The following ULK4 variants were observed in gnomAD, a reference collection of about 807,000 sequenced individuals.
ULK4 encodes the protein inactive serine/threonine-protein kinase ULK4.
In ULK4, 133 loss-of-function variants were observed where a neutral mutation model predicts 160.6. The ratio of observed to expected loss-of-function variants is 0.83; its 90% CI spans 0.72 to 0.96. The LOEUF (loss-of-function observed/expected upper bound fraction) is 0.96. Ranked by LOEUF, ULK4 falls within the 40% of genes least tolerant of loss-of-function variation. The probability of loss-of-function intolerance (pLI) is 0.00; values close to 1 mark genes in which losing one functional copy is unlikely to be tolerated. For synonymous variants in ULK4, 534 were observed against 539.8 expected (o/e 0.99, Z 0.15); for missense variants, 1,580 against 1,499.5 (o/e 1.05, Z -0.89).
chr3:41,804,499 T>C (rs1305869129), intron 19 of ULK4, among the ~76,000 whole-genome samples: 4 of 151,002 alleles, frequency 2.6e-5, no homozygotes, highest in Non-Finnish European at 5.9e-5. Context: ...AGATCCCATT[T>C]GTCAATTTTG....
At chr3:41,414,192 A>G (rs1336903727) in intron 34 of ULK4, among the ~76,000 whole-genome samples, 1 of 152,176 alleles carries the variant, frequency 6.6e-6, no homozygotes, top group East Asian at 1.9e-4. Flanking sequence ...CAAGAGCGAA[A>G]TTCCATCTCA....
chr3:41,267,391 ATTTTCT>A (rs2079060685), intron 35 of ULK4, among the ~76,000 whole-genome samples: 1 of 151,802 alleles, frequency 6.6e-6, no homozygotes, highest in African/African-American at 2.4e-5. Context: ...TATGTACCAC[ATTTTCT>A]TTATCCGGTC....
At position 41,408,427 on chromosome 3, in the gene ULK4, CAAAAAAAAA is replaced by C. The variant is rs59444673; in HGVS notation, c.3493-10172_3493-10164del. Among the ~76,000 whole-genome samples the C allele has an allele frequency of 9.8e-3, 431 of 44,120 alleles. 3 individuals carry two copies. Among genetic ancestry groups the C allele is most frequent in the African/African-American group, 0.028 (415 of 14,678 alleles). The allele number at this position is 44,120 out of a possible 152,430, so 28.9% of individuals were successfully genotyped here. ...TGGGTGACAAAGTGAGACTCCATCT[CAAAAAAAAA>C]AAAAAAAAAAAAAAAAATTAAAGAG... On this transcript the variant is annotated intron_variant, in intron 34 of 36. Coordinates refer to ENST00000301831, the MANE Select transcript of ULK4 (RefSeq NM_017886.4).
chr3:41,738,716 C>G (rs1427314695), intron 22 of ULK4, among the ~76,000 whole-genome samples: 2 of 151,934 alleles, frequency 1.3e-5, no homozygotes, highest in Non-Finnish European at 2.9e-5. Context: ...ATTGCACCTT[C>G]TGTTGACTGT....
At chr3:41,399,304 A>G (rs1320275050) in intron 34 of ULK4, among the ~76,000 whole-genome samples, 1 of 152,166 alleles carries the variant, frequency 6.6e-6, no homozygotes, top group East Asian at 1.9e-4. Context: ...GTATCTTTGG[A>G]AAAATGTCTG....
intron 16 of ULK4, among the ~76,000 whole-genome samples, chr3:41,886,454 G>A (rs1399389721): frequency 6.6e-6 from 1 of 152,078 alleles, no homozygotes; most frequent in East Asian, 1.9e-4. Flanking sequence ...GGCTGTACAA[G>A]GCAAACAAAA....
chr3:41,582,295 G>A (rs893042361), intron 31 of ULK4, among the ~76,000 whole-genome samples: 13 of 152,126 alleles, frequency 8.5e-5, no homozygotes, highest in African/African-American at 3.1e-4. Context: ...GGAACTGTGA[G>A]TCCATTAAAC....
intron 35 of ULK4, among the ~76,000 whole-genome samples, chr3:41,264,196 T>C (rs1267590881): frequency 6.6e-6 from 1 of 151,970 alleles, no homozygotes; most frequent in Non-Finnish European, 1.5e-5. Flanking sequence ...GAGGCAGAGA[T>C]TTTTTAAAGG....
At chr3:41,579,522 T>C (rs1395878617) in intron 31 of ULK4, among the ~76,000 whole-genome samples, 4 of 137,662 alleles carry the variant, frequency 2.9e-5, no homozygotes, top group African/African-American at 1.1e-4. Flanking sequence ...GAGACGGAGT[T>C]TCGCTCTGTC....
chr3:41,761,445 C>T (rs1361616670), intron 21 of ULK4, among the ~76,000 whole-genome samples: 3 of 149,984 alleles, frequency 2.0e-5, no homozygotes, highest in African/African-American at 7.3e-5. Context: ...TGTATAACAG[C>T]AATGATTATA....
At chr3:41,457,307 T>A (rs1461434414) in intron 33 of ULK4, among the ~76,000 whole-genome samples, 1 of 152,126 alleles carries the variant, frequency 6.6e-6, no homozygotes, top group Non-Finnish European at 1.5e-5. Context: ...ACTGTAGGAC[T>A]TTTTCCACCA....
intron 2 of ULK4, among the ~76,000 whole-genome samples, chr3:41,946,745 A>G (rs556382150): frequency 6.6e-6 from 1 of 152,190 alleles, no homozygotes; most frequent in Non-Finnish European, 1.5e-5. Flanking sequence ...TGTTGTGATC[A>G]GGTTTCCATG....
intron 35 of ULK4, among the ~76,000 whole-genome samples, chr3:41,299,245 C>T (rs1184285511): frequency 6.6e-6 from 1 of 152,132 alleles, no homozygotes; most frequent in African/African-American, 2.4e-5. Flanking sequence ...GCAGAACTGG[C>T]CCAGTCGTCC....
At chr3:41,569,853 C>G (rs1195356585) in intron 31 of ULK4, among the ~76,000 whole-genome samples, 1 of 151,974 alleles carries the variant, frequency 6.6e-6, no homozygotes, top group Non-Finnish European at 1.5e-5. Flanking sequence ...CCTAGGTATA[C>G]AGTAGAATGG....
chr3:41,567,430 T>C (rs911528039), intron 31 of ULK4, among the ~76,000 whole-genome samples: 1 of 148,542 alleles, frequency 6.7e-6, no homozygotes, highest in East Asian at 2.0e-4. Flanking sequence ...ATTGAGAAGG[T>C]GTCACTTAAC....
At chr3:41,430,696 G>A (rs1203714720) in intron 34 of ULK4, among the ~76,000 whole-genome samples, 1 of 152,284 alleles carries the variant, frequency 6.6e-6, no homozygotes, top group South Asian at 2.1e-4. Flanking sequence ...CATGGGAAAG[G>A]CCTCTGGGAG....
chr3:41,738,055 A>G (rs886440477), intron 22 of ULK4, among the ~76,000 whole-genome samples: 2 of 146,226 alleles, frequency 1.4e-5, no homozygotes, highest in African/African-American at 5.6e-5. Flanking sequence ...AATTAGTATC[A>G]AGAGCAAAAA....
rs1553684747 is a variant in ULK4 at position 41,506,767 on chromosome 3, A to AT, written c.3227-43515_3227-43514insA. Among the ~76,000 whole-genome samples the AT allele has an allele frequency of 7.0e-5, 4 of 56,794 alleles. 1 individual carries two copies. The highest frequency in any genetic ancestry group is 1.3e-4 in the Non-Finnish European group (4 of 31,984). The allele number at this position is 56,794 out of a possible 152,430, so 37.3% of individuals were successfully genotyped here. On this transcript the variant is annotated intron_variant, in intron 32 of 36. Transcript: ENST00000301831. Reference sequence around the variant, plus strand: ...AGCAATACACTGGAGTGTGATTTAAAATATATATATATATATATATATATA... The same window carrying AT: ...AGCAATACACTGGAGTGTGATTTAAATATATATATATATATATATATATATA...
intron 35 of ULK4, among the ~76,000 whole-genome samples, chr3:41,279,268 A>C (rs58623625): frequency 0.14 from 20,712 of 145,246 alleles, 1,676 homozygotes; most frequent in African/African-American, 0.23. Flanking sequence ...AAAAAAAAAA[A>C]AAAAAAACAA....
Sources: allele counts gnomAD v4.1 joint callset (sites outside exome capture counted in the v4.1 genomes callset), GRCh38; gene constraint gnomAD v4.1.1; transcripts MANE v1.5; gene names NCBI Gene and HGNC (gene_info 2026-07-23, HGNC 2026-07-21).